Variants in DCLK2 observed in about 807,000 individuals in gnomAD.
The protein encoded by DCLK2 is serine/threonine-protein kinase DCLK2.
Under a neutral mutation model 78.4 loss-of-function variants are expected in DCLK2, and 31 were observed. The observed-to-expected ratio is 0.40, with a 90% CI of 0.30 to 0.53. The LOEUF is 0.53. DCLK2 is among the 20% of genes least tolerant of loss of function. The probability of loss-of-function intolerance (pLI) is 0.61; values close to 1 mark genes in which losing one functional copy is unlikely to be tolerated. For missense variants in DCLK2, 872 were observed against 973.7 expected, an observed-to-expected ratio of 0.90 and a Z score of 1.39; for synonymous variants, 407 against 374.9, an observed-to-expected ratio of 1.09 and a Z score of -0.99.
chr4:150,186,500 C>G (rs1737947722), intron 2 of DCLK2, among the ~76,000 whole-genome samples: 1 of 152,126 alleles, frequency 6.6e-6, no homozygotes. Context: ...ACATTTTAAA[C>G]TGAAATTATT....
chr4:150,218,591 T>A (rs1251542800), intron 5 of DCLK2, among the ~76,000 whole-genome samples: 1 of 152,178 alleles, frequency 6.6e-6, no homozygotes, highest in African/African-American at 2.4e-5. Context: ...GGTACAGGTC[T>A]TAGGACCTCA....
chr4:150,144,016 C>G (rs1205246015), intron 2 of DCLK2, among the ~76,000 whole-genome samples: 1 of 151,964 alleles, frequency 6.6e-6, no homozygotes, highest in East Asian at 1.9e-4. Context: ...TTGATTCTCT[C>G]TTTTGCTGTG....
At chr4:150,206,369 C>T (rs1320677261) in intron 5 of DCLK2, among the ~76,000 whole-genome samples, 1 of 152,004 alleles carries the variant, frequency 6.6e-6, no homozygotes, top group Non-Finnish European at 1.5e-5. Context: ...TACTTATTCA[C>T]ACCGAGAGGA....
chr4:150,253,465 G>A (rs1038125981), intron 15 of DCLK2: 5 of 1,289,654 alleles, frequency 3.9e-6, no homozygotes, highest in Non-Finnish European at 5.1e-6. Context: ...TCTGCATTTT[G>A]TTTGACAGTT....
Position 150,157,489 on chromosome 4 carries a change from T to TTTTGTTTGTTTG in DCLK2, c.757-35621_757-35610dup, listed in dbSNP as rs140147570. Among the ~76,000 whole-genome samples, 10 of 98,908 alleles carry TTTTGTTTGTTTG rather than the reference T, an allele frequency of 1.0e-4. No individual in the cohort carries two copies. The East Asian group carries it at 2.0e-3, about 19-fold the overall frequency. The allele number at this position is 98,908 out of a possible 152,430, so 64.9% of individuals were successfully genotyped here. On this transcript the variant is annotated intron_variant, in intron 2 of 15. Transcript: ENST00000296550. ...TTTGTATTTTTTGTAGAGATGGTTT[T>TTTTGTTTGTTTG]TTTGTTTGTTTGTTTGTTTGTTTGT...
At chr4:150,209,653 C>T (rs542434039) in intron 5 of DCLK2, 1 of 152,504 alleles carries the variant, frequency 6.6e-6, no homozygotes, top group South Asian at 2.1e-4. Flanking sequence ...CCTCCCTCCT[C>T]TGCTGCCTCC....
chr4:150,115,352 C>T (rs1190270647), intron 2 of DCLK2, among the ~76,000 whole-genome samples: 1 of 151,790 alleles, frequency 6.6e-6, no homozygotes, highest in Non-Finnish European at 1.5e-5. Flanking sequence ...CTTTTGAATT[C>T]TTTATCTAGT....
chr4:150,165,526 A>C (rs989190718), intron 2 of DCLK2, among the ~76,000 whole-genome samples: 2 of 152,272 alleles, frequency 1.3e-5, no homozygotes, highest in African/African-American at 2.4e-5. Flanking sequence ...CATGCTGCAT[A>C]TTAGCTTGAA....
chr4:150,145,774 G>A (rs1256661899), intron 2 of DCLK2, among the ~76,000 whole-genome samples: 1 of 152,184 alleles, frequency 6.6e-6, no homozygotes, highest in African/African-American at 2.4e-5. Context: ...ACTACTATGT[G>A]CTTAGAGTTG....
In DCLK2 at chr4:150,256,441, G is replaced by T. The variant is rs747184583; in HGVS notation, c.*194G>T. 1.2e-4 allele frequency: 76 copies of T among 660,830 alleles called. No individual in the cohort carries two copies. The highest frequency in any genetic ancestry group is 2.9e-4 in the Admixed American group (9 of 30,546). 40.9% of individuals were successfully genotyped at this position (660,830 alleles called of 1,614,324 possible). ...CCTGGTGCTCTGGGCTCTGCCTTCT[G>T]GTTCCTGGAGGCATCAAAGGCTGCA... On this transcript the variant is annotated 3_prime_UTR_variant, in exon 16 of 16. Transcript: ENST00000296550.
intron 12 of DCLK2, among the ~76,000 whole-genome samples, chr4:150,246,608 A>AT (rs1337839450): frequency 3.3e-5 from 5 of 152,122 alleles, no homozygotes; most frequent in African/African-American, 1.2e-4. Context: ...GAGCTTTCTC[A>AT]TGGGGCCTTG....
At chr4:150,090,985 G>A (rs544101738) in intron 1 of DCLK2, among the ~76,000 whole-genome samples, 1 of 152,318 alleles carries the variant, frequency 6.6e-6, no homozygotes, top group South Asian at 2.1e-4. Context: ...AGTGGGAACA[G>A]CATCTGGGCC....
At position 150,102,524 on chromosome 4, in the gene DCLK2, T is replaced by A; in HGVS notation, c.468T>A (p.Asp156Glu). ...CASNEPFRKVDYTKNINPNWS... is the reference protein window; with the variant it reads ...CASNEPFRKVEYTKNINPNWS... ...CCAATGAACCATTTCGTAAAGTCGATTACACCAAAAATATTAATCCAAACT... is the reference window on the plus strand; with the variant it reads ...CCAATGAACCATTTCGTAAAGTCGAATACACCAAAAATATTAATCCAAACT... Residue 156 changes from aspartate to glutamate, a missense_variant, in exon 2 of 16, where the codon GAT (aspartate) becomes GAA (glutamate). Around this residue, in one of 3 missense-constraint regions of DCLK2, gnomAD observed 567 missense variants for 593.4 expected, o/e 0.96. Coordinates refer to ENST00000296550, the MANE Select transcript of DCLK2 (RefSeq NM_001040260.4). 1 of 1,614,118 alleles carries A rather than the reference T, an allele frequency of 6.2e-7. No homozygotes were observed. The highest frequency in any genetic ancestry group is 8.5e-7 in the Non-Finnish European group (1 of 1,179,996).
intron 2 of DCLK2, among the ~76,000 whole-genome samples, chr4:150,165,823 G>C (rs1377060701): frequency 1.3e-5 from 2 of 152,232 alleles, no homozygotes; most frequent in Non-Finnish European, 2.9e-5. Flanking sequence ...TTGAAAGGTA[G>C]AGCCTAATAA....
At chr4:150,110,573 G>T (rs761086118) in intron 2 of DCLK2, among the ~76,000 whole-genome samples, 1 of 151,708 alleles carries the variant, frequency 6.6e-6, no homozygotes, top group African/African-American at 2.4e-5. Flanking sequence ...ATTTTATTGC[G>T]CCCGTCACCT....
At chr4:150,221,972 GTTTGTTTATTTATTTA>G (rs918442255) in intron 7 of DCLK2, among the ~76,000 whole-genome samples, 187 bp downstream of exon 7, 1 of 150,296 alleles carries the variant, frequency 6.7e-6, no homozygotes, top group Non-Finnish European at 1.5e-5. Flanking sequence ...TTGTTTGTTT[GTTTGTTTATTTATTTA>G]TTTATTTATT....
chr4:150,173,894 A>G (rs752894087), intron 2 of DCLK2, among the ~76,000 whole-genome samples: 13 of 152,134 alleles, frequency 8.5e-5, no homozygotes, highest in Non-Finnish European at 1.5e-4. Context: ...TATTCAAATT[A>G]TTTATTTGAC....
chr4:150,175,121 T>TATA (rs1553964268), intron 2 of DCLK2, among the ~76,000 whole-genome samples: 1 of 81,018 alleles, frequency 1.2e-5, no homozygotes, highest in African/African-American at 6.8e-5. Context: ...TTTATATTTT[T>TATA]TATATATATA....
intron 12 of DCLK2, 117 bp downstream of exon 12, chr4:150,240,593 A>T: frequency 1.1e-5 from 3 of 268,934 alleles, no homozygotes; most frequent in Admixed American, 4.8e-5. Flanking sequence ...CCAGTTAAAA[A>T]TTACATAAAA....
Sources: gnomAD v4.1 joint callset for allele counts (sites outside exome capture counted in the v4.1 genomes callset) on GRCh38, gnomAD v4.1.1 for gene constraint, gnomAD v4.1.1 regional missense constraint, MANE v1.5 for transcripts, NCBI Gene and HGNC (gene_info 2026-07-23, HGNC 2026-07-21) for gene names.